C10orf67: variants seen among roughly 807,000 people sequenced by gnomAD.
C10orf67 encodes uncharacterized protein C10orf67, mitochondrial.
Under a neutral mutation model 35.6 loss-of-function variants are expected in C10orf67, and 60 were observed. The ratio of observed to expected loss-of-function variants is 1.68; its 90% CI spans 1.37 to 2.09. The LOEUF (loss-of-function observed/expected upper bound fraction) is 2.09. Ranked by LOEUF, C10orf67 falls within the 30% of genes most tolerant of loss-of-function variation. C10orf67 has a pLI of 0.00. For synonymous variants in C10orf67, 167 were observed against 115.8 expected (o/e 1.44, Z -2.84); for missense variants, 474 against 330.2 (o/e 1.44, Z -3.38).
intron 3 of C10orf67, among the ~76,000 whole-genome samples, chr10:23,321,365 A>T (rs1418863893): frequency 6.6e-6 from 1 of 151,162 alleles, no homozygotes; most frequent in Non-Finnish European, 1.5e-5. Flanking sequence ...ATACTTTTCT[A>T]AAAAAAATTT....
chr10:23,256,284 A>G (rs932095542), intron 10 of C10orf67, among the ~76,000 whole-genome samples: 1 of 152,162 alleles, frequency 6.6e-6, no homozygotes, highest in Non-Finnish European at 1.5e-5. Context: ...TATTACAGGC[A>G]TGAGCTTCTA....
intron 15 of C10orf67, among the ~76,000 whole-genome samples, chr10:23,217,961 C>T (rs934622847): frequency 6.6e-6 from 1 of 152,094 alleles, no homozygotes; most frequent in Non-Finnish European, 1.5e-5. Flanking sequence ...GTTGCCTTCC[C>T]TTTTCATTTC....
rs946632824 is a variant in C10orf67, at chr10:23,223,825, G to C, written c.1435-7C>G. On this transcript the variant is annotated splice_region_variant and splice_polypyrimidine_tract_variant and intron_variant, in intron 13 of 15. Transcript: ENST00000636213. ...CTAATAAGGGTTTTACTTTCTGAAA[G>C]ACACAAAAGATATGTACTGTGTTAT... The C allele has an allele frequency of 1.5e-5, 11 of 714,902 alleles. No homozygotes were observed. The highest frequency in any genetic ancestry group is 2.1e-5 in the Non-Finnish European group (8 of 384,836). The allele number at this position is 714,902 out of a possible 1,614,324, so 44.3% of individuals were successfully genotyped here. A position where few individuals can be genotyped will look rare whatever the true frequency, so the allele number is the denominator to read the frequency against.
intron 15 of C10orf67, 96 bp downstream of exon 15, chr10:23,223,502 T>C: frequency 2.9e-6 from 2 of 695,892 alleles, no homozygotes; most frequent in South Asian, 3.2e-5. Flanking sequence ...TCACCCAGAA[T>C]ACCAAATACC....
rs1274983483 is a variant in C10orf67, at chr10:23,292,717, G to GTA, written c.703-1440_703-1439dup. ...TGACTTACTAATGAAATTACGTATG[G>GTA]TATATATATGTGTGTGTGTGTGTGT... is the stretch of plus-strand genomic sequence containing the variant. On this transcript the variant is annotated intron_variant, in intron 5 of 15. Transcript: ENST00000636213. Among the ~76,000 whole-genome samples the GTA allele has an allele frequency of 8.9e-5, 13 of 145,606 alleles. No homozygotes were observed. The South Asian group carries it at 9.0e-4, about 10-fold the overall frequency.
At position 23,223,777 on chromosome 10, in the gene C10orf67, T is replaced by G. The variant is rs983618903; in HGVS notation, c.1476A>C (p.Thr492=). 3 of 715,518 alleles carry G rather than the reference T, an allele frequency of 4.2e-6. No individual in the cohort carries two copies. In the South Asian group the frequency reaches 4.4e-5, roughly 11 times the overall value. The allele number at this position is 715,518 out of a possible 1,614,324, so 44.3% of individuals were successfully genotyped here. ...TACAATGACTTGAAGAGGATATAGC[T>G]GTCATGGTCGTTCTAGACTGCACTA... ...PLLVQSRTTM[T]AISSSSHCTS... The change falls in exon 14 of 16, where the codon ACA becomes ACC. Residue 492 remains threonine, a synonymous_variant. Transcript: ENST00000636213.
intron 5 of C10orf67, among the ~76,000 whole-genome samples, chr10:23,295,829 CA>C (rs1843864488): frequency 6.6e-6 from 1 of 152,148 alleles, no homozygotes; most frequent in South Asian, 2.1e-4. Context: ...AAGATATATA[CA>C]AAAATTAATA....
At chr10:23,296,067 T>C (rs114351884) in intron 5 of C10orf67, among the ~76,000 whole-genome samples, 621 of 152,332 alleles carry the variant, frequency 4.1e-3, no homozygotes, top group African/African-American at 0.014. Context: ...AGATAAACCA[T>C]AAATTGTATT....
Position 23,344,562 on chromosome 10 carries a change from A to T in C10orf67, c.206+7T>A. On this transcript the variant is annotated splice_region_variant and intron_variant, in intron 1 of 15. Transcript: ENST00000636213. ...CCTCCTCTACCCAGGCGCGGAGCTC[A>T]GCCTACCTCGTGGACCCGCGCATTT... 6.4e-7 allele frequency: 1 copy of T among 1,569,082 alleles called. No homozygotes were observed. Among genetic ancestry groups the T allele is most frequent in the African/African-American group, 1.4e-5 (1 of 73,920 alleles).
rs185730109 is a variant in C10orf67, at chr10:23,299,764, T to C, written c.702+3540A>G. On this transcript the variant is annotated intron_variant, in intron 5 of 15. Coordinates refer to ENST00000636213, the MANE Select transcript of C10orf67 (RefSeq NM_001371909.1). The stretch of plus-strand genomic sequence containing the variant: ...AGGCTGAGGCGGGCGAATCATGAGG[T>C]CAAGAGATCAAGACCATCCTGGCTA... Among the ~76,000 whole-genome samples the C allele has an allele frequency of 5.5e-4, 83 of 151,690 alleles. No individual in the cohort carries two copies. The East Asian group carries it at 0.015, about 27-fold the overall frequency.
At chr10:23,204,794 T>C (rs567737434) in intron 15 of C10orf67, among the ~76,000 whole-genome samples, 1 of 152,276 alleles carries the variant, frequency 6.6e-6, no homozygotes, top group African/African-American at 2.4e-5. Flanking sequence ...AACCTCAACG[T>C]TGGGCTCTCT....
intron 12 of C10orf67, among the ~76,000 whole-genome samples, chr10:23,247,437 G>T (rs531512516): frequency 6.6e-6 from 1 of 152,278 alleles, no homozygotes; most frequent in African/African-American, 2.4e-5. Context: ...TAGCCTAGGA[G>T]CAATAGGCTA....
intron 8 of C10orf67, among the ~76,000 whole-genome samples, chr10:23,270,392 G>A (rs1842984776): frequency 6.6e-6 from 1 of 152,186 alleles, no homozygotes. Context: ...ATCCCCTCAT[G>A]AGCCCATACC....
intron 12 of C10orf67, among the ~76,000 whole-genome samples, chr10:23,242,040 T>A (rs1419208188): frequency 3.9e-5 from 6 of 152,006 alleles, no homozygotes. Flanking sequence ...GGCACAATCT[T>A]GGCTCACTGC....
intron 10 of C10orf67, among the ~76,000 whole-genome samples, chr10:23,251,923 C>A (rs575312767): frequency 6.6e-6 from 1 of 152,212 alleles, no homozygotes; most frequent in Admixed American, 6.5e-5. Context: ...GTCCTCTGGC[C>A]GTCTTCACTG....
At chr10:23,275,873 A>T (rs1367842986) in intron 8 of C10orf67, among the ~76,000 whole-genome samples, 2 of 152,180 alleles carry the variant, frequency 1.3e-5, no homozygotes, top group Non-Finnish European at 2.9e-5. Flanking sequence ...CTCACTTGAC[A>T]AGTTTTCCCT....
intron 8 of C10orf67, among the ~76,000 whole-genome samples, chr10:23,276,009 C>T (rs890712419): frequency 1.1e-4 from 16 of 151,926 alleles, no homozygotes; most frequent in Admixed American, 9.8e-4. Flanking sequence ...ATTTGGAATC[C>T]CTGGAGTAAT....
rs577846036 is a variant in C10orf67 at position 23,300,049 on chromosome 10, T to C, written c.702+3255A>G. The stretch of plus-strand genomic sequence containing the variant: ...AGACAGTTAACCTCCTGGCCTTCAA[T>C]GGTCAAGCATATCTGGGGCTCTGTG... On this transcript the variant is annotated intron_variant, in intron 5 of 15. Transcript: ENST00000636213. Among the ~76,000 whole-genome samples the C allele has an allele frequency of 1.1e-3, 172 of 151,564 alleles. 2 individuals carry two copies. The highest frequency in any genetic ancestry group is 8.5e-4 in the Non-Finnish European group (58 of 67,966).
intron 10 of C10orf67, among the ~76,000 whole-genome samples, chr10:23,251,533 C>T (rs922735802): frequency 6.6e-6 from 1 of 152,176 alleles, no homozygotes; most frequent in African/African-American, 2.4e-5. Context: ...GAATTGTAGG[C>T]ATATCATGAA....
Sources: allele counts gnomAD v4.1 joint callset (sites outside exome capture counted in the v4.1 genomes callset), GRCh38; gene constraint gnomAD v4.1.1; transcripts MANE v1.5; gene names NCBI Gene and HGNC (gene_info 2026-07-23, HGNC 2026-07-21).